Variants in INTS1 observed in about 807,000 individuals in gnomAD.
The protein encoded by INTS1 is integrator complex subunit 1.
Under a neutral mutation model 241.6 loss-of-function variants are expected in INTS1, and 137 were observed. That is an observed-to-expected ratio of 0.57 (90% CI 0.49 to 0.65). The LOEUF is 0.65. Ranked by LOEUF, INTS1 falls within the 30% of genes least tolerant of loss-of-function variation. The pLI is 0.00. For synonymous variants in INTS1, 1,692 were observed against 1,337.8 expected (o/e 1.26, Z -5.78); for missense variants, 3,073 against 3,032.2 (o/e 1.01, Z -0.32).
At chr7:1,472,927 C>A (rs1317741225) in intron 43 of INTS1, 145 bp downstream of exon 43, 2 of 570,596 alleles carry the variant, frequency 3.5e-6, no homozygotes, top group East Asian at 2.9e-5. Context: ...TGAGGTGGGT[C>A]AGGGGCCAGC....
rs200824374 is a variant in INTS1, at chr7:1,476,290, C to A, written c.5317G>T (p.Asp1773Tyr). Residue 1773 changes from aspartate to tyrosine, a missense_variant, in exon 38 of 48, where the codon GAT (aspartate) becomes TAT (tyrosine). By Grantham distance (160) the Asp-to-Tyr change is radical (BLOSUM62 -3). Transcript: ENST00000404767. Reference sequence around the variant, plus strand: ...TCCGTCACCTTCCTGACACTCTCATCGTCCCCACAGCAGCAGCTGAGCAGC... The same window carrying A: ...TCCGTCACCTTCCTGACACTCTCATAGTCCCCACAGCAGCAGCTGAGCAGC... ...PLLLSCCCGD[D>Y]ESVRKVTEHL... 1 of 1,585,552 alleles carries A rather than the reference C, an allele frequency of 6.3e-7. No homozygotes were observed.
At chr7:1,486,287 T>C (rs1478458445) in intron 22 of INTS1, among the ~76,000 whole-genome samples, 1 of 150,588 alleles carries the variant, frequency 6.6e-6, no homozygotes, top group African/African-American at 2.4e-5. Flanking sequence ...TTTTTTGAGA[T>C]GGAGTTTCAC....
At chr7:1,495,944 A>T (rs113214174) in intron 12 of INTS1, among the ~76,000 whole-genome samples, 1 of 152,012 alleles carries the variant, frequency 6.6e-6, no homozygotes, top group East Asian at 1.9e-4. Context: ...AAGGACGCTC[A>T]TGGGAACAGG....
In INTS1 at chr7:1,487,088, G is replaced by A; in HGVS notation, c.2660C>T (p.Ser887Phe). 1 of 1,549,508 alleles carries A rather than the reference G, an allele frequency of 6.5e-7. No individual in the cohort carries two copies. Among genetic ancestry groups the A allele is most frequent in the Non-Finnish European group, 8.7e-7 (1 of 1,151,414 alleles). Reference sequence around the variant, plus strand: ...TACCAGGTCCGCCAGCCAGGGCATGGACTGCGAGGAGGCCTGGGCAGGCGA... The same window carrying A: ...TACCAGGTCCGCCAGCCAGGGCATGAACTGCGAGGAGGCCTGGGCAGGCGA... Reference protein sequence around the residue: ...HIIQRQASSQSMPWLADLVQS... With the variant: ...HIIQRQASSQFMPWLADLVQS... The change falls in exon 21 of 48, where the codon TCC becomes TTC. Residue 887 changes from serine (S) to phenylalanine (F), a missense_variant. By Grantham distance (155) the Ser-to-Phe change is radical (BLOSUM62 -2). Coordinates refer to ENST00000404767, the MANE Select transcript of INTS1 (RefSeq NM_001080453.3).
At chr7:1,482,877 G>A (rs1043821340) in intron 26 of INTS1, 170 bp from the exon 27 acceptor site, 5 of 704,696 alleles carry the variant, frequency 7.1e-6, no homozygotes, top group South Asian at 3.7e-5. Context: ...GATGCTTTGC[G>A]TAGGTGCACG....
At position 1,471,585 on chromosome 7, in the gene INTS1, G is replaced by A. The variant is rs902569608; in HGVS notation, c.6241C>T (p.Leu2081=). Reference sequence around the variant, plus strand: ...ATCCAGCTCACCGAGAAGAAGCTCAGGATCTCGGGTCTCCGCCGGGACATC... The same window carrying A: ...ATCCAGCTCACCGAGAAGAAGCTCAAGATCTCGGGTCTCCGCCGGGACATC... ...DEMSRRRPEI[L]SFFSTNLQRL... is the part of the protein sequence containing the mutation. Residue 2081 remains leucine (L), a synonymous_variant, in exon 45 of 48, where the codon CTG becomes TTG. Coordinates refer to ENST00000404767, the MANE Select transcript of INTS1 (RefSeq NM_001080453.3). 1.3e-5 allele frequency: 21 copies of A among 1,612,262 alleles called. No homozygotes were observed. The highest frequency in any genetic ancestry group is 1.7e-5 in the Non-Finnish European group (20 of 1,179,782).
At position 1,503,208 on chromosome 7, in the gene INTS1, G is replaced by A. The variant is rs760753499; in HGVS notation, c.59-17C>T. 5.3e-6 allele frequency: 8 copies of A among 1,518,080 alleles called. No homozygotes were observed. The highest frequency in any genetic ancestry group is 7.1e-6 in the Non-Finnish European group (8 of 1,134,234). The allele number at this position is 1,518,080 out of a possible 1,614,324, so 94.0% of individuals were successfully genotyped here. A position where few individuals can be genotyped will look rare whatever the true frequency, so the allele number is the denominator to read the frequency against. ...GAGGGTGCCCTGCAGAGAAAGGAGA[G>A]AGAAAACCGGGCACATTTGCAACAC... On this transcript the variant is annotated splice_polypyrimidine_tract_variant and intron_variant, in intron 2 of 47. Transcript: ENST00000404767.
In INTS1 at chr7:1,471,604, G is replaced by C. The variant is rs1781471634; in HGVS notation, c.6222C>G (p.Ser2074=). ...AGCTCAGGATCTCGGGTCTCCGCCG[G>C]GACATCTCGTCTATGTCACTCAGAA... is the stretch of plus-strand genomic sequence containing the variant. ...LEVLSDIDEM[S]RRRPEILSFF... Residue 2074 remains serine (S), a synonymous_variant, in exon 45 of 48, where the codon TCC becomes TCG. Coordinates refer to ENST00000404767, the MANE Select transcript of INTS1 (RefSeq NM_001080453.3). 1.2e-6 allele frequency: 2 copies of C among 1,612,362 alleles called. No homozygotes were observed. Among genetic ancestry groups the C allele is most frequent in the Non-Finnish European group, 1.7e-6 (2 of 1,179,794 alleles).
chr7:1,478,801 C>G lies in INTS1; in HGVS notation c.4414G>C (p.Val1472Leu), dbSNP rs376634201. The G allele has an allele frequency of 6.2e-7, 1 of 1,606,972 alleles. No individual in the cohort carries two copies. The highest frequency in any genetic ancestry group is 8.5e-7 in the Non-Finnish European group (1 of 1,177,614). ...QMLQWLDSPG[V>L]EGGPLRAQLR... ...TGTGCCCGCAGGGGCCCGCCCTCCACGCCAGGGCTGTCCAGCCACTGCAGC... is the reference window on the plus strand; with the variant it reads ...TGTGCCCGCAGGGGCCCGCCCTCCAGGCCAGGGCTGTCCAGCCACTGCAGC... The change falls in exon 32 of 48, where the codon GTG (valine) becomes CTG (leucine). Residue 1472 changes from valine to leucine, a missense_variant. Transcript: ENST00000404767.
At chr7:1,492,349 TGCACTGTA>T (rs1446823169) in intron 16 of INTS1, among the ~76,000 whole-genome samples, 5 of 152,106 alleles carry the variant, frequency 3.3e-5, no homozygotes, top group Non-Finnish European at 7.3e-5. Context: ...CACAAGATCA[TGCACTGTA>T]GGATGCCATT....
intron 17 of INTS1, 51 bp from the exon 18 acceptor site, chr7:1,489,455 G>A (rs1023460256): frequency 1.9e-5 from 27 of 1,439,160 alleles, no homozygotes; most frequent in South Asian, 3.7e-5. Flanking sequence ...GGCACCAGGC[G>A]TGTGACCCCC....
chr7:1,484,281 C>T (rs1005741748), intron 24 of INTS1, 111 bp from the exon 25 acceptor site: 103 of 1,156,142 alleles, frequency 8.9e-5, no homozygotes, highest in African/African-American at 6.7e-4. Context: ...GCAGGGCCCG[C>T]GGCACCGCAG....
intron 30 of INTS1, 71 bp from the exon 31 acceptor site, chr7:1,479,755 C>T: frequency 4.3e-6 from 6 of 1,404,604 alleles, no homozygotes; most frequent in East Asian, 2.6e-5. Context: ...AGAGGCTAAG[C>T]GCCCGGTGCA....
chr7:1,472,674 C>T (rs951499641), intron 43 of INTS1, among the ~76,000 whole-genome samples: 4 of 152,222 alleles, frequency 2.6e-5, no homozygotes, highest in Admixed American at 6.5e-5. Context: ...GGCGCTCTTC[C>T]GGCGGCACAG....
At chr7:1,499,404 CCATCCT>C in intron 6 of INTS1, 44 bp from the exon 7 acceptor site, 3 of 1,540,040 alleles carry the variant, frequency 1.9e-6, no homozygotes, top group South Asian at 2.4e-5. Context: ...TCCCACCCGC[CCATCCT>C]CCCACCCCTC....
intron 26 of INTS1, 174 bp from the exon 27 acceptor site, chr7:1,482,881 G>C: frequency 1.4e-6 from 1 of 696,434 alleles, no homozygotes; most frequent in South Asian, 1.9e-5. Flanking sequence ...CTTTGCGTAG[G>C]TGCACGCATT....
chr7:1,501,902 CA>C (rs1184766654), intron 3 of INTS1, among the ~76,000 whole-genome samples: 15 of 152,116 alleles, frequency 9.9e-5, no homozygotes, highest in African/African-American at 3.4e-4. Flanking sequence ...GGGCACAGTC[CA>C]TTCTCTGCTT....
chr7:1,499,620 C>A lies in INTS1; in HGVS notation c.697G>T (p.Asp233Tyr). 1.2e-6 allele frequency: 2 copies of A among 1,610,144 alleles called. No individual in the cohort carries two copies. ...PEIFVKVYIE[D>Y]SLGERIWVDS... is the part of the protein sequence containing the mutation. The stretch of plus-strand genomic sequence containing the variant: ...ACCCAGATCCGCTCCCCCAGGGAGT[C>A]CTCGATGTACACCTGTGTGGCAGCC... Residue 233 changes from aspartate to tyrosine, a missense_variant, in exon 6 of 48, where the codon GAC becomes TAC. Physicochemically the swap from Asp to Tyr is radical, Grantham distance 160. Transcript: ENST00000404767.
At position 1,497,355 on chromosome 7, in the gene INTS1, G is replaced by A; in HGVS notation, c.1426-41C>T. ...GCCGCGTGGGAGGCTGCCCGACAGTGCTGTCCCTGTCACAGGCCCCTTCCC... is the reference window on the plus strand; with the variant it reads ...GCCGCGTGGGAGGCTGCCCGACAGTACTGTCCCTGTCACAGGCCCCTTCCC... On this transcript the variant is annotated intron_variant, in intron 10 of 47. Transcript: ENST00000404767. The surrounding 1 kb of genome is among the most constrained non-coding windows in gnomAD (Gnocchi z 5.3). The A allele has an allele frequency of 6.3e-7, 1 of 1,581,146 alleles. No homozygotes were observed. The highest frequency in any genetic ancestry group is 1.2e-5 in the South Asian group (1 of 86,180).
Sources: gnomAD v4.1 joint callset for allele counts (sites outside exome capture counted in the v4.1 genomes callset) on GRCh38, gnomAD v4.1.1 for gene constraint, Gnocchi (gnomAD v3.1) non-coding constraint, MANE v1.5 for transcripts, NCBI Gene and HGNC (gene_info 2026-07-23, HGNC 2026-07-21) for gene names.